Variants in KIAA0513 observed in about 807,000 individuals in gnomAD.
The protein encoded by KIAA0513 is KIAA0513.
A neutral mutation model predicts 56.5 loss-of-function variants in KIAA0513; 39 were observed. The ratio of observed to expected loss-of-function variants is 0.69; its 90% CI spans 0.53 to 0.90. The LOEUF is 0.90. KIAA0513 is among the 40% of genes least tolerant of loss of function. The probability of loss-of-function intolerance (pLI) is 0.00; values close to 1 mark genes in which losing one functional copy is unlikely to be tolerated. For missense variants in KIAA0513, 591 were observed against 535.2 expected (o/e 1.10, Z -1.03); for synonymous variants, 268 against 215.6 (o/e 1.24, Z -2.13).
At position 85,088,750 on chromosome 16, in the gene KIAA0513, C is replaced by T. The variant is rs532715708; in HGVS notation, c.*425C>T. The T allele has an allele frequency of 5.7e-5, 10 of 175,866 alleles. No individual in the cohort carries two copies. The highest frequency in any genetic ancestry group is 1.7e-4 in the African/African-American group (7 of 42,298). The allele number at this position is 175,866 out of a possible 1,614,324, so 10.9% of individuals were successfully genotyped here. ...GTGGTGGAGGGCCGGCGCTGCCACTCACGGTGGGTGGCCGTGGGCCACCTT... is the reference window on the plus strand; with the variant it reads ...GTGGTGGAGGGCCGGCGCTGCCACTTACGGTGGGTGGCCGTGGGCCACCTT... On this transcript the variant is annotated 3_prime_UTR_variant, in exon 13 of 13. Transcript: ENST00000683363.
intron 6 of KIAA0513, among the ~76,000 whole-genome samples, 178 bp from the exon 7 acceptor site, chr16:85,078,237 T>C (rs2073687909): frequency 1.3e-5 from 2 of 152,182 alleles, no homozygotes; most frequent in Admixed American, 1.3e-4. Context: ...AATGCCACAT[T>C]TCCTGAATTC....
chr16:85,030,337 C>A (rs1266135795), intron 1 of KIAA0513, among the ~76,000 whole-genome samples: 1 of 152,164 alleles, frequency 6.6e-6, no homozygotes, highest in Non-Finnish European at 1.5e-5. Context: ...GTCCCCCACC[C>A]AAAAGAGAAA....
intron 1 of KIAA0513, among the ~76,000 whole-genome samples, chr16:85,050,644 C>A (rs2073240124): frequency 6.6e-6 from 1 of 152,202 alleles, no homozygotes; most frequent in Non-Finnish European, 1.5e-5. Flanking sequence ...CATGGTGTTT[C>A]TTTTCTTCCC....
intron 1 of KIAA0513, among the ~76,000 whole-genome samples, chr16:85,032,884 C>A (rs62048418): frequency 0.012 from 1,792 of 152,240 alleles, 34 homozygotes; most frequent in African/African-American, 0.035. Context: ...CCTACCTGGG[C>A]CTCCCAAAGT....
At chr16:85,062,130 C>G (rs2073414732) in intron 1 of KIAA0513, among the ~76,000 whole-genome samples, 1 of 152,118 alleles carries the variant, frequency 6.6e-6, no homozygotes, top group Admixed American at 6.5e-5. Context: ...CTCTGTAGCA[C>G]TTAGTGCTGC....
intron 1 of KIAA0513, among the ~76,000 whole-genome samples, chr16:85,056,853 T>A (rs4783118): frequency 0.56 from 85,809 of 151,934 alleles, 26,726 homozygotes; most frequent in African/African-American, 0.84. Flanking sequence ...GGTGCATGCC[T>A]CCATGCTTGG....
intron 12 of KIAA0513, 104 bp downstream of exon 12, chr16:85,087,270 G>A: frequency 1.1e-6 from 1 of 921,130 alleles, no homozygotes. Context: ...ATGTCGTGTT[G>A]CAGTCGGAAA....
chr16:85,081,277 C>A lies in KIAA0513; in HGVS notation c.903-38C>A, dbSNP rs747518357. 6.2e-7 allele frequency: 1 copy of A among 1,602,954 alleles called. No individual in the cohort carries two copies. The highest frequency in any genetic ancestry group is 8.5e-7 in the Non-Finnish European group (1 of 1,170,494). On this transcript the variant is annotated intron_variant, in intron 8 of 12. Coordinates refer to ENST00000683363, the MANE Select transcript of KIAA0513 (RefSeq NM_001388359.1). This position sits in a 1 kb window ranked among gnomAD's most constrained non-coding sequence, Gnocchi z 4.4. ...CCCACAACCCGTGTCCTCCCCGCCT[C>A]CCCTTGGAGAGAGTGTGACTGGGGC...
rs1190824099 is a variant in KIAA0513 at position 85,092,536 on chromosome 16, A to G, written c.*4211A>G. 6.6e-6 allele frequency: 1 copy of G among 152,150 alleles called. No homozygotes were observed. Among genetic ancestry groups the G allele is most frequent in the East Asian group, 1.9e-4 (1 of 5,184 alleles). 9.4% of individuals were successfully genotyped at this position (152,150 alleles called of 1,614,324 possible). On this transcript the variant is annotated 3_prime_UTR_variant, in exon 13 of 13. Transcript: ENST00000683363. ...AGGCTGGTCCCTCCTCAGTTTCCGC[A>G]GCCACAAGGCGAAACGGCCAGATTC...
chr16:85,089,889 AAC>A lies in KIAA0513; in HGVS notation c.*1565_*1566del, dbSNP rs1377337608. On this transcript the variant is annotated 3_prime_UTR_variant, in exon 13 of 13. Coordinates refer to ENST00000683363, the MANE Select transcript of KIAA0513 (RefSeq NM_001388359.1). The surrounding 1 kb of genome is among the most constrained non-coding windows in gnomAD (Gnocchi z 4.2). ...AATGTGTGTCTGGGGCATTATCTGA[AAC>A]GTGGTGTCATCTGATGCATTTGGAC... 1 of 152,118 alleles carries A rather than the reference AAC, an allele frequency of 6.6e-6. No homozygotes were observed. Among genetic ancestry groups the A allele is most frequent in the Non-Finnish European group, 1.5e-5 (1 of 68,056 alleles). 9.4% of individuals were successfully genotyped at this position (152,118 alleles called of 1,614,324 possible).
rs2073891250 is a variant in KIAA0513 at position 85,093,486 on chromosome 16, C to T, written c.*5161C>T. ...GCAGCCTGAACTCCCTTGAGCAGCGCTATAAGGGACTTTGCACTTTAAAAA... is the reference window on the plus strand; with the variant it reads ...GCAGCCTGAACTCCCTTGAGCAGCGTTATAAGGGACTTTGCACTTTAAAAA... On this transcript the variant is annotated 3_prime_UTR_variant, in exon 13 of 13. Coordinates refer to ENST00000683363, the MANE Select transcript of KIAA0513 (RefSeq NM_001388359.1). 6.6e-6 allele frequency: 1 copy of T among 152,604 alleles called. No homozygotes were observed. The highest frequency in any genetic ancestry group is 1.5e-5 in the Non-Finnish European group (1 of 68,046). 9.5% of individuals were successfully genotyped at this position (152,604 alleles called of 1,614,324 possible). A position where few individuals can be genotyped will look rare whatever the true frequency, so the allele number is the denominator to read the frequency against.
intron 12 of KIAA0513, 50 bp downstream of exon 12, chr16:85,087,216 G>A (rs372763541): frequency 3.3e-5 from 49 of 1,467,376 alleles, no homozygotes; most frequent in Non-Finnish European, 4.5e-5. Flanking sequence ...CTGGGGTCAG[G>A]AGCCAGTGCT....
intron 9 of KIAA0513, among the ~76,000 whole-genome samples, chr16:85,082,333 G>A (rs2073755440): frequency 6.6e-6 from 1 of 152,098 alleles, no homozygotes; most frequent in South Asian, 2.1e-4. Flanking sequence ...ACCCCGCTGT[G>A]CCAGGAGACC....
intron 4 of KIAA0513, among the ~76,000 whole-genome samples, chr16:85,074,343 TAC>T (rs1555524105): frequency 1.9e-4 from 25 of 130,486 alleles, no homozygotes; most frequent in African/African-American, 2.9e-4. Flanking sequence ...TATACACACA[TAC>T]ACACACACAC....
At chr16:85,029,708 G>GT (rs988661002) in intron 1 of KIAA0513, among the ~76,000 whole-genome samples, 1 of 152,148 alleles carries the variant, frequency 6.6e-6, no homozygotes, top group Non-Finnish European at 1.5e-5. Context: ...GCCTGGGGCA[G>GT]TTTTTTAAAA....
intron 7 of KIAA0513, among the ~76,000 whole-genome samples, chr16:85,078,720 A>G (rs182124723): frequency 6.3e-4 from 96 of 152,334 alleles, no homozygotes; most frequent in African/African-American, 2.2e-3. Flanking sequence ...ATGCTACGGA[A>G]CCATCCCTCA....
At chr16:85,077,717 T>C (rs990110112) in intron 6 of KIAA0513, 85 bp downstream of exon 6, 4 of 976,956 alleles carry the variant, frequency 4.1e-6, no homozygotes, top group Middle Eastern at 3.2e-4. Context: ...GCAGGGAGGG[T>C]GCGGGTGAGG....
chr16:85,078,356 T>C (rs1278406787), intron 6 of KIAA0513, 59 bp from the exon 7 acceptor site: 1 of 1,585,418 alleles, frequency 6.3e-7, no homozygotes, highest in Non-Finnish European at 8.7e-7. Flanking sequence ...ACAGCGTCTT[T>C]GAGTTGAGAA....
At chr16:85,071,044 C>G (rs2073565810) in intron 2 of KIAA0513, among the ~76,000 whole-genome samples, 2 of 152,214 alleles carry the variant, frequency 1.3e-5, no homozygotes, top group African/African-American at 4.8e-5. Context: ...TTGCATAAGC[C>G]AAGTGATCTT....
Sources: gnomAD v4.1 joint callset for allele counts (sites outside exome capture counted in the v4.1 genomes callset) on GRCh38, gnomAD v4.1.1 for gene constraint, Gnocchi (gnomAD v3.1) non-coding constraint, MANE v1.5 for transcripts, NCBI Gene and HGNC (gene_info 2026-07-23, HGNC 2026-07-21) for gene names.